Variants in FOXN2 observed in about 807,000 individuals in gnomAD.
The protein encoded by FOXN2 is forkhead box protein N2.
In FOXN2, 19 loss-of-function variants were observed where a neutral mutation model predicts 41.2. That is an observed-to-expected ratio of 0.46 (90% CI 0.32 to 0.68). The LOEUF is 0.68. Among genes scored for constraint, FOXN2 ranks in the 30% least tolerant of loss-of-function variants. The pLI is 0.03. For missense variants in FOXN2, 587 were observed against 509.4 expected (o/e 1.15, Z -1.47); for synonymous variants, 195 against 176.8 (o/e 1.10, Z -0.82).
At chr2:48,347,258 G>T (rs940706911) in intron 3 of FOXN2, among the ~76,000 whole-genome samples, 1 of 119,426 alleles carries the variant, frequency 8.4e-6, no homozygotes, top group South Asian at 2.6e-4. Context: ...AGACAGTCTC[G>T]ATCTGTCACC....
At chr2:48,337,872 C>G (rs2104298500) in intron 2 of FOXN2, among the ~76,000 whole-genome samples, 1 of 152,114 alleles carries the variant, frequency 6.6e-6, no homozygotes, top group South Asian at 2.1e-4. Flanking sequence ...AAAAGTTTTT[C>G]CAGTATAGCA....
At chr2:48,326,146 G>T (rs999658347) in intron 1 of FOXN2, among the ~76,000 whole-genome samples, 17 of 152,162 alleles carry the variant, frequency 1.1e-4, no homozygotes, top group African/African-American at 3.9e-4. Context: ...CACCGTGCCC[G>T]GCCTTCTTCT....
chr2:48,338,289 A>G (rs1670498314), intron 2 of FOXN2, among the ~76,000 whole-genome samples: 1 of 152,234 alleles, frequency 6.6e-6, no homozygotes, highest in African/African-American at 2.4e-5. Context: ...GCAGCAAACA[A>G]AAAACTGAGA....
chr2:48,343,203 C>T (rs895441075), intron 2 of FOXN2, among the ~76,000 whole-genome samples: 1 of 152,102 alleles, frequency 6.6e-6, no homozygotes, highest in African/African-American at 2.4e-5. Flanking sequence ...GCTTTAGAAC[C>T]TTAGGGAAAT....
chr2:48,348,320 G>C (rs534675644), intron 3 of FOXN2, among the ~76,000 whole-genome samples: 4 of 152,022 alleles, frequency 2.6e-5, no homozygotes, highest in African/African-American at 9.7e-5. Flanking sequence ...TCATTCTGCT[G>C]ATAAGCCCCA....
rs1673234289 is a variant in FOXN2 at position 48,376,136 on chromosome 2, C to T, written c.*693C>T. The T allele has an allele frequency of 2.0e-5, 3 of 152,174 alleles. No individual in the cohort carries two copies. In the South Asian group the frequency reaches 6.2e-4, roughly 32 times the overall value. The allele number at this position is 152,174 out of a possible 1,614,324, so 9.4% of individuals were successfully genotyped here. On this transcript the variant is annotated 3_prime_UTR_variant, in exon 7 of 7. Transcript: ENST00000340553. ...GAATGGTAGCTTTGAAGTGTTTTTA[C>T]TTCAGAGATCCTGCATAGCATTTAT...
chr2:48,346,129 C>T, intron 2 of FOXN2, 72 bp from the exon 3 acceptor site: 5 of 1,318,012 alleles, frequency 3.8e-6, no homozygotes, highest in South Asian at 1.5e-5. Context: ...GGGATATTTA[C>T]ATATGTATTT....
chr2:48,326,918 C>G (rs1669715504), intron 1 of FOXN2, among the ~76,000 whole-genome samples: 1 of 152,300 alleles, frequency 6.6e-6, no homozygotes, highest in East Asian at 1.9e-4. Flanking sequence ...CCAAAGCATT[C>G]TGGTCTCAAG....
At chr2:48,374,043 C>T (rs534302711) in intron 6 of FOXN2, among the ~76,000 whole-genome samples, 8 of 150,562 alleles carry the variant, frequency 5.3e-5, no homozygotes, top group Admixed American at 1.3e-4. Context: ...GCACTCCAGT[C>T]TGAGGGACAG....
At chr2:48,361,316 G>A (rs1309201599) in intron 4 of FOXN2, among the ~76,000 whole-genome samples, 3 of 151,776 alleles carry the variant, frequency 2.0e-5, no homozygotes, top group Non-Finnish European at 4.4e-5. Context: ...AAATACAAAA[G>A]TCAGCTGGGT....
intron 2 of FOXN2, among the ~76,000 whole-genome samples, chr2:48,335,900 C>T (rs1459819754): frequency 2.6e-5 from 4 of 151,744 alleles, no homozygotes; most frequent in African/African-American, 4.8e-5. Context: ...TGGTGGCAGG[C>T]GCCTATAGTC....
At chr2:48,364,302 A>G (rs1672386674) in intron 5 of FOXN2, among the ~76,000 whole-genome samples, 1 of 152,146 alleles carries the variant, frequency 6.6e-6, no homozygotes, top group African/African-American at 2.4e-5. Flanking sequence ...GTCATGACTC[A>G]CCATAGCCTC....
At chr2:48,367,149 G>A (rs1672586126) in intron 5 of FOXN2, among the ~76,000 whole-genome samples, 1 of 152,134 alleles carries the variant, frequency 6.6e-6, no homozygotes, top group Non-Finnish European at 1.5e-5. Flanking sequence ...TTATGGCATT[G>A]TATAATAGAT....
Position 48,346,207 on chromosome 2 carries a change from A to G in FOXN2, c.-8A>G, listed in dbSNP as rs768912858. 14 of 1,584,456 alleles carry G rather than the reference A, an allele frequency of 8.8e-6. No individual in the cohort carries two copies. In the East Asian group the frequency reaches 2.9e-4, roughly 33 times the overall value. ...ATTGTTTCCTTTGTTGCAGAACTGT[A>G]AGAGTAAATGGGTCCAGTAATTGGA... On this transcript the variant is annotated 5_prime_UTR_variant, in exon 3 of 7. Transcript: ENST00000340553.
rs534008454 is a variant in FOXN2, at chr2:48,371,051, A to C, written c.704-2241A>C. Among the ~76,000 whole-genome samples the C allele has an allele frequency of 1.8e-3, 274 of 152,260 alleles. 2 individuals carry two copies. Among genetic ancestry groups the C allele is most frequent in the African/African-American group, 6.3e-3 (260 of 41,538 alleles). On this transcript the variant is annotated intron_variant, in intron 5 of 6. Coordinates refer to ENST00000340553, the MANE Select transcript of FOXN2 (RefSeq NM_002158.4). Reference sequence around the variant, plus strand: ...ATTTCTTTTGTATCATTTATTGAAGAAACTGTCTTTCCCCCAGTTAGTATT... The same window carrying C: ...ATTTCTTTTGTATCATTTATTGAAGCAACTGTCTTTCCCCCAGTTAGTATT...
chr2:48,331,775 C>G (rs1314106597), intron 2 of FOXN2, among the ~76,000 whole-genome samples: 1 of 151,090 alleles, frequency 6.6e-6, no homozygotes, highest in Non-Finnish European at 1.5e-5. Flanking sequence ...TATGATCATG[C>G]CACTGCACTC....
chr2:48,315,838 A>G (rs1343427147), intron 1 of FOXN2, among the ~76,000 whole-genome samples: 2 of 152,244 alleles, frequency 1.3e-5, no homozygotes, highest in African/African-American at 4.8e-5. Flanking sequence ...TCTGCTTTAA[A>G]GTCTTTTTAC....
At chr2:48,369,253 G>A (rs1402479966) in intron 5 of FOXN2, among the ~76,000 whole-genome samples, 1 of 152,168 alleles carries the variant, frequency 6.6e-6, no homozygotes, top group Non-Finnish European at 1.5e-5. Flanking sequence ...AAGAAGTGAA[G>A]TTAGGCCAGG....
chr2:48,326,971 G>C (rs1012740176), intron 1 of FOXN2, among the ~76,000 whole-genome samples: 3 of 152,096 alleles, frequency 2.0e-5, no homozygotes, highest in African/African-American at 7.2e-5. Flanking sequence ...ACTACCTTTG[G>C]AGTGGTCTGG....
Sources: gnomAD v4.1 joint callset for allele counts (sites outside exome capture counted in the v4.1 genomes callset) on GRCh38, gnomAD v4.1.1 for gene constraint, MANE v1.5 for transcripts, NCBI Gene and HGNC (gene_info 2026-07-23, HGNC 2026-07-21) for gene names.